Variants in MARCHF5 observed in about 807,000 individuals in gnomAD.
MARCHF5 encodes the protein membrane associated ring-CH-type finger 5, also known as E3 ubiquitin-protein ligase MARCHF5.
Under a neutral mutation model 36.5 loss-of-function variants are expected in MARCHF5, and 5 were observed. That is an observed-to-expected ratio of 0.14 (90% CI 0.07 to 0.29). The LOEUF is 0.29. Ranked by LOEUF, MARCHF5 falls within the 10% of genes least tolerant of loss-of-function variation. MARCHF5 has a pLI of 1.00. For synonymous variants in MARCHF5, 103 were observed against 109.9 expected (o/e 0.94, Z 0.39); for missense variants, 179 against 336.3 (o/e 0.53, Z 3.66).
intron 2 of MARCHF5, among the ~76,000 whole-genome samples, chr10:92,318,696 C>T (rs545751260): frequency 6.6e-6 from 1 of 151,906 alleles, no homozygotes; most frequent in African/African-American, 2.4e-5. Context: ...GGAAATCATC[C>T]AATCTTTTCT....
At chr10:92,331,828 A>G (rs1050720844) in intron 2 of MARCHF5, among the ~76,000 whole-genome samples, 3 of 148,772 alleles carry the variant, frequency 2.0e-5, no homozygotes, top group African/African-American at 4.9e-5. Flanking sequence ...ATATATAACT[A>G]TGTACCATAT....
chr10:92,302,448 CTT>C (rs10714243), intron 1 of MARCHF5, among the ~76,000 whole-genome samples: 127 of 124,092 alleles, frequency 1.0e-3, no homozygotes, highest in Admixed American at 1.4e-3. Context: ...CTTTTTTTTT[CTT>C]TTTTTTTTTT....
In MARCHF5 at chr10:92,340,566, T is replaced by A. The variant is rs545163264; in HGVS notation, c.239-107T>A. 28 of 1,046,230 alleles carry A rather than the reference T, an allele frequency of 2.7e-5. No homozygotes were observed. The African/African-American group carries it at 3.4e-4, about 13-fold the overall frequency. 64.8% of individuals were successfully genotyped at this position (1,046,230 alleles called of 1,614,324 possible). A position where few individuals can be genotyped will look rare whatever the true frequency, so the allele number is the denominator to read the frequency against. ...TAATCTGGATGACAAAGTGAGACCC[T>A]GTGTCTTGTTGGGGGGAAGGTATTT... On this transcript the variant is annotated intron_variant, in intron 2 of 5. Coordinates refer to ENST00000358935, the MANE Select transcript of MARCHF5 (RefSeq NM_017824.5).
intron 2 of MARCHF5, among the ~76,000 whole-genome samples, chr10:92,311,555 ACTGT>A (rs765351073): frequency 2.1e-4 from 32 of 152,112 alleles, no homozygotes; most frequent in South Asian, 4.1e-4. Context: ...CTGTGTATTA[ACTGT>A]CTGTTTGATA....
At chr10:92,297,425 C>T (rs1026412123) in intron 1 of MARCHF5, among the ~76,000 whole-genome samples, 1 of 151,750 alleles carries the variant, frequency 6.6e-6, no homozygotes, top group Non-Finnish European at 1.5e-5. Context: ...TCGCCTCGGC[C>T]TCCCAAAGCT....
chr10:92,345,697 CTTTTTTTTTTTTTT>C (rs1356393517), intron 3 of MARCHF5, among the ~76,000 whole-genome samples: 2 of 123,632 alleles, frequency 1.6e-5, no homozygotes, highest in African/African-American at 6.0e-5. Flanking sequence ...TTTTTTTTTT[CTTTTTTTTTTTTTT>C]GAGACAGAGT....
chr10:92,349,780 A>G lies in MARCHF5; in HGVS notation c.663A>G (p.Thr221=). 3.7e-6 allele frequency: 6 copies of G among 1,613,990 alleles called. No homozygotes were observed. Among genetic ancestry groups the G allele is most frequent in the Non-Finnish European group, 5.1e-6 (6 of 1,179,876 alleles). The change falls in exon 5 of 6, where the codon ACA becomes ACG. Residue 221 remains threonine, a synonymous_variant. Coordinates refer to ENST00000358935, the MANE Select transcript of MARCHF5 (RefSeq NM_017824.5). ...CCCTTGTCTTTCCTACTATTGCTAC[A>G]ATAGTTGGTAAATTGATGTTCAGTA... The part of the protein sequence containing the change: ...CGALVFPTIA[T]IVGKLMFSSV...
Position 92,295,310 on chromosome 10 carries a change from C to CTTTTTTTT in MARCHF5, c.35+3785_35+3786insTTTTTTTT, listed in dbSNP as rs1554945659. ...TTCAGGGTTTTTAAACTAGAGGCAA[C>CTTTTTTTT]TTTTCTTTTTTTTTTTTTTTTTTTT... On this transcript the variant is annotated intron_variant, in intron 1 of 5. Transcript: ENST00000358935. Among the ~76,000 whole-genome samples, 5 of 26,242 alleles carry CTTTTTTTT rather than the reference C, an allele frequency of 1.9e-4. 2 individuals carry two copies. Among genetic ancestry groups the CTTTTTTTT allele is most frequent in the Admixed American group, 1.1e-3 (2 of 1,834 alleles). The allele number at this position is 26,242 out of a possible 152,430, so 17.2% of individuals were successfully genotyped here. A position where few individuals can be genotyped will look rare whatever the true frequency, so the allele number is the denominator to read the frequency against.
At position 92,347,717 on chromosome 10, in the gene MARCHF5, T is replaced by G. The variant is rs527847173; in HGVS notation, c.370-1632T>G. On this transcript the variant is annotated intron_variant, in intron 3 of 5. Coordinates refer to ENST00000358935, the MANE Select transcript of MARCHF5 (RefSeq NM_017824.5). The stretch of plus-strand genomic sequence containing the variant: ...CTTCCACATGCAAGATAGGAAGTTG[T>G]TAAGTTCTACCTGGAGACACAGAAG... Among the ~76,000 whole-genome samples the G allele has an allele frequency of 8.5e-5, 13 of 152,272 alleles. No homozygotes were observed. In the South Asian group the frequency reaches 2.7e-3, roughly 32 times the overall value.
chr10:92,329,382 C>T (rs1223862011), intron 2 of MARCHF5, among the ~76,000 whole-genome samples: 1 of 152,118 alleles, frequency 6.6e-6, no homozygotes, highest in Non-Finnish European at 1.5e-5. Flanking sequence ...AGTAAGAATA[C>T]TTAGATTGTA....
At chr10:92,291,687 T>C (rs1027723767) in intron 1 of MARCHF5, 158 bp downstream of exon 1, 1 of 699,162 alleles carries the variant, frequency 1.4e-6, no homozygotes, top group African/African-American at 1.9e-5. Context: ...AGTCTAGACC[T>C]GGGGGAGGAC....
intron 2 of MARCHF5, among the ~76,000 whole-genome samples, chr10:92,337,192 A>C (rs1048058670): frequency 2.6e-5 from 4 of 151,800 alleles, no homozygotes; most frequent in African/African-American, 9.7e-5. Flanking sequence ...CTTGATAAGC[A>C]GTTTTGGTGG....
At position 92,351,726 on chromosome 10, in the gene MARCHF5, C is replaced by T. The variant is rs1391527936; in HGVS notation, c.*519C>T. The T allele has an allele frequency of 5.2e-5, 8 of 152,536 alleles. No homozygotes were observed. Among genetic ancestry groups the T allele is most frequent in the African/African-American group, 1.9e-4 (8 of 41,410 alleles). The allele number at this position is 152,536 out of a possible 1,614,324, so 9.4% of individuals were successfully genotyped here. On this transcript the variant is annotated 3_prime_UTR_variant, in exon 6 of 6. Transcript: ENST00000358935. The stretch of plus-strand genomic sequence containing the variant: ...ATAACCAAAAATGTATGTAAACATT[C>T]AAATGATTATCTGAACAAATGAGAT...
intron 1 of MARCHF5, among the ~76,000 whole-genome samples, chr10:92,300,827 G>A (rs926200374): frequency 6.6e-6 from 1 of 151,190 alleles, no homozygotes; most frequent in African/African-American, 2.4e-5. Context: ...GACCATGTCT[G>A]CAGAAATATT....
intron 2 of MARCHF5, among the ~76,000 whole-genome samples, chr10:92,313,533 A>G (rs1336098084): frequency 1.3e-5 from 2 of 151,836 alleles, no homozygotes; most frequent in South Asian, 4.2e-4. Context: ...TAAACCCGGG[A>G]GGCAGAGCTT....
chr10:92,300,051 C>T (rs2135177131), intron 1 of MARCHF5, among the ~76,000 whole-genome samples: 1 of 151,872 alleles, frequency 6.6e-6, no homozygotes, highest in African/African-American at 2.4e-5. Context: ...CTCCCAGCTA[C>T]TCAGGAGGCT....
rs1047035961 is a variant in MARCHF5 at position 92,353,624 on chromosome 10, A to G, written c.*2417A>G. ...TGGGGACAAATGAAAGAGATGATGT[A>G]GATTTTTCGGATGGGTGGGTATATT... On this transcript the variant is annotated 3_prime_UTR_variant, in exon 6 of 6. Transcript: ENST00000358935. The G allele has an allele frequency of 2.0e-5, 3 of 152,554 alleles. No individual in the cohort carries two copies. Among genetic ancestry groups the G allele is most frequent in the Admixed American group, 6.5e-5 (1 of 15,280 alleles). 9.5% of individuals were successfully genotyped at this position (152,554 alleles called of 1,614,324 possible). A position where few individuals can be genotyped will look rare whatever the true frequency, so the allele number is the denominator to read the frequency against.
intron 2 of MARCHF5, among the ~76,000 whole-genome samples, chr10:92,340,020 T>C (rs932493505): frequency 6.6e-6 from 1 of 152,154 alleles, no homozygotes; most frequent in African/African-American, 2.4e-5. Context: ...ATTATGTAAA[T>C]ACAAGAAAAT....
intron 1 of MARCHF5, among the ~76,000 whole-genome samples, chr10:92,307,608 G>A (rs147348700): frequency 1.3e-5 from 2 of 152,122 alleles, no homozygotes; most frequent in East Asian, 3.9e-4. Context: ...AGGCGCAGTG[G>A]GTCATGCCTG....
Sources: allele counts gnomAD v4.1 joint callset (sites outside exome capture counted in the v4.1 genomes callset), GRCh38; gene constraint gnomAD v4.1.1; transcripts MANE v1.5; gene names NCBI Gene and HGNC (gene_info 2026-07-23, HGNC 2026-07-21).